The following CLMP variants were observed in gnomAD, a reference collection of about 807,000 sequenced individuals.
CLMP encodes the protein CXADR-like membrane protein.
A neutral mutation model predicts 45.2 loss-of-function variants in CLMP; 27 were observed. That is an observed-to-expected ratio of 0.60 (90% CI 0.44 to 0.82). CLMP has a LOEUF of 0.82. CLMP is among the 40% of genes least tolerant of loss of function. CLMP has a pLI of 0.00. For synonymous variants in CLMP, 167 were observed against 171.4 expected (o/e 0.97, Z 0.20); for missense variants, 403 against 448.4 (o/e 0.90, Z 0.91).
chr11:123,152,467 G>A (rs4581460), intron 1 of CLMP, among the ~76,000 whole-genome samples: 38,330 of 151,634 alleles, frequency 0.25, 4,962 homozygotes, highest in South Asian at 0.34. Context: ...AGGTTGCAGT[G>A]AGCCGAGATC....
rs772217882 is a variant in CLMP at position 123,194,942 on chromosome 11, C to T, written c.-2G>A. 6 of 1,612,350 alleles carry T rather than the reference C, an allele frequency of 3.7e-6. No individual in the cohort carries two copies. The highest frequency in any genetic ancestry group is 5.1e-6 in the Non-Finnish European group (6 of 1,179,180). On this transcript the variant is annotated 5_prime_UTR_variant, in exon 1 of 7. Coordinates refer to ENST00000448775, the MANE Select transcript of CLMP (RefSeq NM_024769.5). Reference sequence around the variant, plus strand: ...CAAGAGGAGAAGGAGGAGGGACATCCCGATCCCCGGACGCGGGCGCTTCCC... The same window carrying T: ...CAAGAGGAGAAGGAGGAGGGACATCTCGATCCCCGGACGCGGGCGCTTCCC...
At position 123,083,142 on chromosome 11, in the gene CLMP, A is replaced by G. The variant is rs1211570017; in HGVS notation, c.622T>C (p.Cys208Arg). Reference protein sequence around the residue: ...LTMSYSGLYQCTAGNEAGKES... With the variant: ...LTMSYSGLYQRTAGNEAGKES... The stretch of plus-strand genomic sequence containing the variant: ...TTCCCAGCTTCGTTGCCTGCTGTGC[A>G]CTGGTACAGTCCAGAGTAGGACATG... Residue 208 changes from cysteine to arginine, a missense_variant, in exon 5 of 7, where the codon TGC (cysteine) becomes CGC (arginine). By Grantham distance (180) the Cys-to-Arg change is radical. Coordinates refer to ENST00000448775, the MANE Select transcript of CLMP (RefSeq NM_024769.5). 19 of 1,614,060 alleles carry G rather than the reference A, an allele frequency of 1.2e-5. No individual in the cohort carries two copies. Among genetic ancestry groups the G allele is most frequent in the African/African-American group, 4.0e-5 (3 of 74,930 alleles).
At position 123,159,644 on chromosome 11, in the gene CLMP, A is replaced by T. The variant is rs563603898; in HGVS notation, c.28+35269T>A. Among the ~76,000 whole-genome samples, 28 of 152,332 alleles carry T rather than the reference A, an allele frequency of 1.8e-4. 1 individual carries two copies. The highest frequency in any genetic ancestry group is 8.5e-4 in the Admixed American group (13 of 15,306). On this transcript the variant is annotated intron_variant, in intron 1 of 6. Coordinates refer to ENST00000448775, the MANE Select transcript of CLMP (RefSeq NM_024769.5). ...ACAGAATAAGGGAGGGGCAACTGAC[A>T]CGTACAAGGCAGTGAGGTGGCGGGA... is the stretch of plus-strand genomic sequence containing the variant.
intron 1 of CLMP, among the ~76,000 whole-genome samples, chr11:123,150,503 G>A (rs1275866365): frequency 2.1e-4 from 26 of 122,552 alleles, no homozygotes; most frequent in African/African-American, 7.4e-4. Context: ...AAGGAAGGAA[G>A]GAAGGAAGGA....
chr11:123,145,935 A>AGG (rs1861233095), intron 1 of CLMP, among the ~76,000 whole-genome samples: 1 of 152,116 alleles, frequency 6.6e-6, no homozygotes, highest in Admixed American at 6.6e-5. Context: ...CCCTCCCTGG[A>AGG]GGGGAAGGCC....
intron 1 of CLMP, among the ~76,000 whole-genome samples, chr11:123,134,429 A>G (rs1861039022): frequency 6.6e-6 from 1 of 152,084 alleles, no homozygotes; most frequent in Admixed American, 6.6e-5. Flanking sequence ...TCACAATAGC[A>G]TACTAAGAAG....
Position 123,181,606 on chromosome 11 carries a change from C to T in CLMP, c.28+13307G>A, listed in dbSNP as rs367717608. Among the ~76,000 whole-genome samples, 68 of 152,312 alleles carry T rather than the reference C, an allele frequency of 4.5e-4. No individual in the cohort carries two copies. In the South Asian group the frequency reaches 0.013, roughly 30 times the overall value. ...TCAATCTGCTCCCCGACCAGGCTCT[C>T]GGGTCTTGTACGGCACTATCTCCAC... On this transcript the variant is annotated intron_variant, in intron 1 of 6. Transcript: ENST00000448775.
intron 1 of CLMP, among the ~76,000 whole-genome samples, chr11:123,114,202 T>G (rs1212706984): frequency 6.6e-6 from 1 of 152,142 alleles, no homozygotes; most frequent in East Asian, 1.9e-4. Context: ...TTGTTAGGGA[T>G]CCATGGCCAG....
intron 5 of CLMP, among the ~76,000 whole-genome samples, chr11:123,077,751 A>T (rs1245524099): frequency 6.6e-6 from 1 of 152,218 alleles, no homozygotes; most frequent in African/African-American, 2.4e-5. Flanking sequence ...CAGCTCCAGG[A>T]CACATAATCT....
At chr11:123,151,102 G>A (rs1370734028) in intron 1 of CLMP, among the ~76,000 whole-genome samples, 1 of 152,202 alleles carries the variant, frequency 6.6e-6, no homozygotes, top group East Asian at 1.9e-4. Context: ...GCAGTGATGT[G>A]AGAATGGCAG....
Position 123,166,144 on chromosome 11 carries a change from C to T in CLMP, c.28+28769G>A, listed in dbSNP as rs150877348. On this transcript the variant is annotated intron_variant, in intron 1 of 6. Transcript: ENST00000448775. ...TCATTCCACCTTCCAACCTCCTTTCCGCATCGTGAGGCTTCATACCTCGCA... is the reference window on the plus strand; with the variant it reads ...TCATTCCACCTTCCAACCTCCTTTCTGCATCGTGAGGCTTCATACCTCGCA... Among the ~76,000 whole-genome samples the T allele has an allele frequency of 7.2e-5, 11 of 152,090 alleles. No homozygotes were observed. The South Asian group carries it at 1.4e-3, about 20-fold the overall frequency.
chr11:123,100,181 G>A (rs1280066752), intron 1 of CLMP, among the ~76,000 whole-genome samples: 1 of 152,032 alleles, frequency 6.6e-6, no homozygotes, highest in African/African-American at 2.4e-5. Flanking sequence ...GACCAGCCTG[G>A]CCAACCATGG....
rs1401641331 is a variant in CLMP, at chr11:123,073,434, C to G, written c.*40G>C. On this transcript the variant is annotated 3_prime_UTR_variant, in exon 7 of 7. Transcript: ENST00000448775. ...CAATGACGAGAAGAGTCCAAAGACC[C>G]TGACTCCTAGGAAAGCGTGGGAGTC... 2 of 1,559,578 alleles carry G rather than the reference C, an allele frequency of 1.3e-6. No individual in the cohort carries two copies. The highest frequency in any genetic ancestry group is 1.7e-6 in the Non-Finnish European group (2 of 1,152,292).
rs765094907 is a variant in CLMP, at chr11:123,097,845, T to C, written c.136A>G (p.Thr46Ala). ...GTGAGCAGCCATTCAATATCCAGAG[T>C]GTCTTTTTCTGGAAGCCCCAGTTGA... ...HHQLGLPEKDTLDIEWLLTDN... is the reference protein window; with the variant it reads ...HHQLGLPEKDALDIEWLLTDN... The change falls in exon 2 of 7, where the codon ACT becomes GCT. Residue 46 changes from threonine (T) to alanine (A), a missense_variant. Transcript: ENST00000448775. 1 of 1,609,888 alleles carries C rather than the reference T, an allele frequency of 6.2e-7. No individual in the cohort carries two copies. Among genetic ancestry groups the C allele is most frequent in the Non-Finnish European group, 8.5e-7 (1 of 1,178,098 alleles).
intron 2 of CLMP, among the ~76,000 whole-genome samples, chr11:123,085,468 T>G (rs891005152): frequency 6.6e-6 from 1 of 151,828 alleles, no homozygotes; most frequent in African/African-American, 2.4e-5. Context: ...AGGCTGGTCT[T>G]GAACTCTTGG....
At chr11:123,189,254 A>C (rs796397694) in intron 1 of CLMP, among the ~76,000 whole-genome samples, 23 of 152,358 alleles carry the variant, frequency 1.5e-4, no homozygotes, top group African/African-American at 5.3e-4. Context: ...CACTCTTCTC[A>C]GTAACACAGA....
At chr11:123,135,470 A>G (rs367638285) in intron 1 of CLMP, among the ~76,000 whole-genome samples, 1 of 152,162 alleles carries the variant, frequency 6.6e-6, no homozygotes, top group East Asian at 1.9e-4. Flanking sequence ...TCTGTCATAG[A>G]TATTTCAGGA....
intron 1 of CLMP, among the ~76,000 whole-genome samples, chr11:123,128,504 A>G (rs2135506304): frequency 6.6e-6 from 1 of 152,184 alleles, no homozygotes; most frequent in East Asian, 1.9e-4. Flanking sequence ...TCTACCAAAA[A>G]TAAAAAGTAG....
intron 1 of CLMP, among the ~76,000 whole-genome samples, chr11:123,142,563 T>TA (rs2135518160): frequency 6.6e-6 from 1 of 151,166 alleles, no homozygotes; most frequent in East Asian, 2.0e-4. Flanking sequence ...ACTTAGGAGT[T>TA]ACAGTGCAAA....
Sources: allele counts gnomAD v4.1 joint callset (sites outside exome capture counted in the v4.1 genomes callset), GRCh38; gene constraint gnomAD v4.1.1; transcripts MANE v1.5; gene names NCBI Gene and HGNC (gene_info 2026-07-23, HGNC 2026-07-21).